MAP3K1: variants seen among roughly 807,000 people sequenced by gnomAD.
MAP3K1 encodes MAP/ERK kinase kinase 1.
A neutral mutation model predicts 144.2 loss-of-function variants in MAP3K1; 36 were observed. The observed-to-expected ratio is 0.25, with a 90% confidence interval of 0.19 to 0.33. The LOEUF (loss-of-function observed/expected upper bound fraction) is 0.33. MAP3K1 is among the 10% of genes least tolerant of loss of function. The pLI is 1.00. For missense variants in MAP3K1, 1,650 were observed against 1,881.9 expected (o/e 0.88, Z 2.28); for synonymous variants, 718 against 688.7 (o/e 1.04, Z -0.67).
At chr5:56,876,535 T>G (rs1270912937) in intron 10 of MAP3K1, among the ~76,000 whole-genome samples, 2 of 152,108 alleles carry the variant, frequency 1.3e-5, no homozygotes, top group Non-Finnish European at 2.9e-5. Flanking sequence ...ATCTCATAAT[T>G]TATCATTCCA....
At chr5:56,846,908 T>C (rs1248952164) in intron 1 of MAP3K1, among the ~76,000 whole-genome samples, 5 of 152,218 alleles carry the variant, frequency 3.3e-5, no homozygotes, top group Non-Finnish European at 7.3e-5. Flanking sequence ...ATTCTATTAG[T>C]GATGTGCTTA....
At chr5:56,857,777 G>T (rs1049441585) in intron 2 of MAP3K1, among the ~76,000 whole-genome samples, 2 of 152,110 alleles carry the variant, frequency 1.3e-5, no homozygotes, top group African/African-American at 4.8e-5. Flanking sequence ...GTACTGACTC[G>T]TGTCTGACTT....
At position 56,895,804 on chromosome 5, in the gene MAP3K1, C is replaced by T. The variant is rs913455638; in HGVS notation, c.*2124C>T. ...TATTTGGTACTCAAGTTGTAAATAA[C>T]GTCTACTACTGTTTATTCCAGTTTC... On this transcript the variant is annotated 3_prime_UTR_variant, in exon 20 of 20. Transcript: ENST00000399503. The T allele has an allele frequency of 3.5e-5, 8 of 231,138 alleles. No homozygotes were observed. The highest frequency in any genetic ancestry group is 1.8e-4 in the South Asian group (1 of 5,514). The allele number at this position is 231,138 out of a possible 1,614,324, so 14.3% of individuals were successfully genotyped here. A position where few individuals can be genotyped will look rare whatever the true frequency, so the allele number is the denominator to read the frequency against.
rs1389365263 is a variant in MAP3K1, at chr5:56,816,064, C to T, written c.482+9C>T. The stretch of plus-strand genomic sequence containing the variant: ...GCAGCGGCCCCCGCCGGGTGAGCAG[C>T]ACGGCCGGGGTCGCGGCGGGGACTT... On this transcript the variant is annotated intron_variant, in intron 1 of 19. Transcript: ENST00000399503. 2 of 1,212,292 alleles carry T rather than the reference C, an allele frequency of 1.6e-6. No homozygotes were observed. Among genetic ancestry groups the T allele is most frequent in the Middle Eastern group, 3.2e-4 (1 of 3,102 alleles). The allele number at this position is 1,212,292 out of a possible 1,614,324, so 75.1% of individuals were successfully genotyped here.
Position 56,893,740 on chromosome 5 carries a change from T to C in MAP3K1, c.*60T>C, listed in dbSNP as rs1035855423. The C allele has an allele frequency of 6.3e-7, 1 of 1,579,732 alleles. No homozygotes were observed. Among genetic ancestry groups the C allele is most frequent in the Non-Finnish European group, 8.7e-7 (1 of 1,154,340 alleles). ...TGCTCAACAAGAGAAAAAAAACTTG[T>C]GGGGAACCACATTGATATTCTACTG... On this transcript the variant is annotated 3_prime_UTR_variant, in exon 20 of 20. Transcript: ENST00000399503.
In MAP3K1 at chr5:56,880,967, A is replaced by T. The variant is rs1160727971; in HGVS notation, c.2180-116A>T. On this transcript the variant is annotated intron_variant, in intron 12 of 19. Coordinates refer to ENST00000399503, the MANE Select transcript of MAP3K1 (RefSeq NM_005921.2). ...GAAATGTGAATTACTCTGAGAGAGA[A>T]ATTCTTTAAAATAGTTCAGAATATT... 3 of 1,077,188 alleles carry T rather than the reference A, an allele frequency of 2.8e-6. No homozygotes were observed. In the East Asian group the frequency reaches 7.7e-5, roughly 28 times the overall value. 66.7% of individuals were successfully genotyped at this position (1,077,188 alleles called of 1,614,324 possible).
At chr5:56,819,334 C>T (rs149368159) in intron 1 of MAP3K1, among the ~76,000 whole-genome samples, 1 of 152,198 alleles carries the variant, frequency 6.6e-6, no homozygotes, top group Non-Finnish European at 1.5e-5. Context: ...TCCATAGCAC[C>T]TCGAGCATAA....
intron 1 of MAP3K1, among the ~76,000 whole-genome samples, chr5:56,830,211 T>C (rs1295470465): frequency 6.6e-6 from 1 of 152,196 alleles, no homozygotes; most frequent in Non-Finnish European, 1.5e-5. Flanking sequence ...TACCGATAGA[T>C]GTCACAGATT....
chr5:56,885,920 ATTGTC>A lies in MAP3K1; in HGVS notation c.3983-9_3983-5del, dbSNP rs1561202945. On this transcript the variant is annotated splice_region_variant and splice_polypyrimidine_tract_variant and intron_variant, in intron 16 of 19. Coordinates refer to ENST00000399503, the MANE Select transcript of MAP3K1 (RefSeq NM_005921.2). ...TCTTAAGTTTATGATAATTATTTCT[ATTGTC>A]TTATAGGGGGATCGGTGGCTCATTT... 2 of 1,610,438 alleles carry A rather than the reference ATTGTC, an allele frequency of 1.2e-6. No homozygotes were observed. Among genetic ancestry groups the A allele is most frequent in the Non-Finnish European group, 1.7e-6 (2 of 1,176,872 alleles).
intron 10 of MAP3K1, among the ~76,000 whole-genome samples, chr5:56,875,815 C>T (rs1029186458): frequency 6.6e-6 from 1 of 152,018 alleles, no homozygotes; most frequent in African/African-American, 2.4e-5. Flanking sequence ...GAGCAGATAC[C>T]TTATACATGA....
intron 1 of MAP3K1, chr5:56,842,261 A>G (rs567205922): frequency 1.3e-5 from 2 of 152,368 alleles, no homozygotes; most frequent in South Asian, 2.1e-4. Context: ...TCTGTTTTTC[A>G]AATAACTTGT....
At chr5:56,847,034 A>G (rs16886419) in intron 1 of MAP3K1, among the ~76,000 whole-genome samples, 15,130 of 152,268 alleles carry the variant, frequency 0.099, 1,219 homozygotes, top group East Asian at 0.34. Flanking sequence ...GAAACACCAT[A>G]ACCAAGCTTT....
At chr5:56,819,109 T>G (rs1462382514) in intron 1 of MAP3K1, among the ~76,000 whole-genome samples, 1 of 152,208 alleles carries the variant, frequency 6.6e-6, no homozygotes. Context: ...AGAAAATTAA[T>G]GCATTCTTCA....
chr5:56,864,669 G>C, intron 3 of MAP3K1, 65 bp from the exon 4 acceptor site: 3 of 1,570,764 alleles, frequency 1.9e-6, no homozygotes, highest in African/African-American at 2.7e-5. Context: ...CACCATGCCT[G>C]ACCGGATAAT....
chr5:56,832,700 A>C (rs1746532063), intron 1 of MAP3K1, among the ~76,000 whole-genome samples: 1 of 152,100 alleles, frequency 6.6e-6, no homozygotes, highest in South Asian at 2.1e-4. Flanking sequence ...TCAGAGCACA[A>C]ATTTTATTAT....
chr5:56,825,304 T>C (rs252909), intron 1 of MAP3K1, among the ~76,000 whole-genome samples: 117,075 of 152,146 alleles, frequency 0.77, 45,424 homozygotes, highest in Non-Finnish European at 0.82. Context: ...TGAGCCACCA[T>C]GCCCGGCCAG....
chr5:56,883,450 G>T (rs756200860), intron 14 of MAP3K1, 77 bp from the exon 15 acceptor site: 5 of 1,418,136 alleles, frequency 3.5e-6, no homozygotes, highest in African/African-American at 2.8e-5. Context: ...GACTGAATAA[G>T]AATAATATCT....
chr5:56,880,800 C>G lies in MAP3K1; in HGVS notation c.2177C>G (p.Ala726Gly), dbSNP rs1412871465. ...ELAVGREILK[A>G]GSIGIGGVDY... Reference sequence around the variant, plus strand: ...GCAGTTGGCAGAGAAATACTAAAAGCTGGTAATAACTTTTCACTTAAAAGG... The same window carrying G: ...GCAGTTGGCAGAGAAATACTAAAAGGTGGTAATAACTTTTCACTTAAAAGG... Residue 726 changes from alanine to glycine, a missense_variant and splice_region_variant, in exon 12 of 20, where the codon GCT (alanine) becomes GGT (glycine). Coordinates refer to ENST00000399503, the MANE Select transcript of MAP3K1 (RefSeq NM_005921.2). 5.6e-6 allele frequency: 9 copies of G among 1,610,398 alleles called. No individual in the cohort carries two copies. In the South Asian group the frequency reaches 9.9e-5, roughly 18 times the overall value.
intron 1 of MAP3K1, among the ~76,000 whole-genome samples, chr5:56,853,892 A>G (rs1270189309): frequency 6.6e-6 from 1 of 151,866 alleles, no homozygotes; most frequent in Non-Finnish European, 1.5e-5. Context: ...ATTTTAGTCT[A>G]AGCCCGGGGG....
Sources: gnomAD v4.1 joint callset for allele counts (sites outside exome capture counted in the v4.1 genomes callset) on GRCh38, gnomAD v4.1.1 for gene constraint, MANE v1.5 for transcripts, NCBI Gene and HGNC (gene_info 2026-07-23, HGNC 2026-07-21) for gene names.